The following CBLB variants were observed in gnomAD, a reference collection of about 807,000 sequenced individuals.
The protein encoded by CBLB is E3 ubiquitin-protein ligase CBL-B.
A neutral mutation model predicts 104.9 loss-of-function variants in CBLB; 31 were observed. The ratio of observed to expected loss-of-function variants is 0.30; its 90% confidence interval spans 0.22 to 0.40. The LOEUF is 0.40. Among genes scored for constraint, CBLB ranks in the 10% least tolerant of loss-of-function variants. The probability of loss-of-function intolerance (pLI) is 1.00; values close to 1 mark genes in which losing one functional copy is unlikely to be tolerated. For synonymous variants in CBLB, 440 were observed against 422.6 expected (o/e 1.04, Z -0.51); for missense variants, 1,062 against 1,214.6 (o/e 0.87, Z 1.87).
intron 3 of CBLB, among the ~76,000 whole-genome samples, chr3:105,795,075 G>A (rs1374409428): frequency 4.6e-5 from 7 of 152,062 alleles, no homozygotes; most frequent in South Asian, 4.2e-4. Context: ...CACCACGCCC[G>A]GCTAATTTTT....
At chr3:105,679,555 A>C (rs916492487) in intron 16 of CBLB, among the ~76,000 whole-genome samples, 3 of 152,074 alleles carry the variant, frequency 2.0e-5, no homozygotes, top group African/African-American at 7.2e-5. Flanking sequence ...AGGTGGGTGG[A>C]TCATGAGGTC....
At chr3:105,678,607 C>T (rs1432142919) in intron 16 of CBLB, 36 bp from the exon 17 acceptor site, 1 of 1,593,968 alleles carries the variant, frequency 6.3e-7, no homozygotes, top group South Asian at 1.1e-5. Context: ...AGCAGCAGAA[C>T]TTCATTAATC....
intron 9 of CBLB, among the ~76,000 whole-genome samples, chr3:105,729,955 C>T (rs2074126865): frequency 6.6e-6 from 1 of 152,026 alleles, no homozygotes; most frequent in Admixed American, 6.6e-5. Context: ...AAGACTGTAT[C>T]TAAATGTAAA....
At chr3:105,681,417 G>A (rs1559798258) in intron 16 of CBLB, 62 bp downstream of exon 16, 1 of 1,561,898 alleles carries the variant, frequency 6.4e-7, no homozygotes, top group Admixed American at 1.7e-5. Context: ...TCTGAATTCT[G>A]AAAATTCTGA....
Position 105,662,529 on chromosome 3 carries a change from G to T in CBLB, c.2690-3300C>A, listed in dbSNP as rs543164157. On this transcript the variant is annotated intron_variant, in intron 18 of 18. Coordinates refer to ENST00000394030, the MANE Select transcript of CBLB (RefSeq NM_170662.5). The stretch of plus-strand genomic sequence containing the variant: ...AGTAATTGCAGTGGTATCAAAATAA[G>T]TACAAGAATGTGAGCCACAGAATAT... 2.6e-5 allele frequency among the ~76,000 whole-genome samples: 4 copies of T among 152,254 alleles called. No individual in the cohort carries two copies. In the South Asian group the frequency reaches 8.3e-4, roughly 32 times the overall value.
Position 105,655,649 on chromosome 3 carries a change from C to T in CBLB, c.*3321G>A. 1.0e-5 allele frequency: 2 copies of T among 194,142 alleles called. No individual in the cohort carries two copies. The highest frequency in any genetic ancestry group is 2.1e-5 in the Non-Finnish European group (2 of 93,036). 12.0% of individuals were successfully genotyped at this position (194,142 alleles called of 1,614,324 possible). On this transcript the variant is annotated 3_prime_UTR_variant, in exon 19 of 19. Coordinates refer to ENST00000394030, the MANE Select transcript of CBLB (RefSeq NM_170662.5). ...TAAAATAGTAATTGGGGAAAAAACCCTTCACTCTATTGGTGTCTTTGTCTG... is the reference window on the plus strand; with the variant it reads ...TAAAATAGTAATTGGGGAAAAAACCTTTCACTCTATTGGTGTCTTTGTCTG...
At chr3:105,793,020 A>G (rs2081869276) in intron 3 of CBLB, among the ~76,000 whole-genome samples, 1 of 152,166 alleles carries the variant, frequency 6.6e-6, no homozygotes, top group African/African-American at 2.4e-5. Context: ...TTGTAACTTA[A>G]TAATTAAAGA....
chr3:105,864,611 T>C (rs1242725324), intron 2 of CBLB, among the ~76,000 whole-genome samples: 4 of 152,180 alleles, frequency 2.6e-5, no homozygotes, highest in Non-Finnish European at 4.4e-5. Context: ...ACATAGACTA[T>C]GCTAACTCTG....
At chr3:105,691,100 G>A (rs1315341493) in intron 13 of CBLB, among the ~76,000 whole-genome samples, 2 of 152,146 alleles carry the variant, frequency 1.3e-5, no homozygotes, top group African/African-American at 4.8e-5. Context: ...ATATGCTTGT[G>A]CTTATGTATC....
Position 105,678,542 on chromosome 3 carries a change from A to C in CBLB, c.2458T>G (p.Ser820Ala), listed in dbSNP as rs1417463067. ...GEDAFDALPPSLPPPPPPARH... is the reference protein window; with the variant it reads ...GEDAFDALPPALPPPPPPARH... ...GCAGGAGGTGGGGGAGGTGGGAGAG[A>C]TGGAGGGAGGGCATCAAAAGCATCT... The change falls in exon 17 of 19, where the codon TCT becomes GCT. Residue 820 changes from serine (S) to alanine (A), a missense_variant. This residue lies in a region of CBLB where 605 missense variants were observed against 582.6 expected (regional missense o/e 1.04). Transcript: ENST00000394030. The C allele has an allele frequency of 6.2e-7, 1 of 1,613,726 alleles. No individual in the cohort carries two copies. The highest frequency in any genetic ancestry group is 2.2e-5 in the East Asian group (1 of 44,832).
intron 17 of CBLB, among the ~76,000 whole-genome samples, chr3:105,677,183 TG>T (rs2065747271): frequency 6.6e-6 from 1 of 152,042 alleles, no homozygotes; most frequent in African/African-American, 2.4e-5. Flanking sequence ...CTATCACAAA[TG>T]GGTAAACAGT....
At chr3:105,789,091 T>C (rs2081351002) in intron 3 of CBLB, among the ~76,000 whole-genome samples, 1 of 152,208 alleles carries the variant, frequency 6.6e-6, no homozygotes, top group Non-Finnish European at 1.5e-5. Context: ...ATAATTGCTG[T>C]TAAATCAAGC....
At chr3:105,678,262 A>C (rs2065887185) in intron 17 of CBLB, among the ~76,000 whole-genome samples, 169 bp downstream of exon 17, 1 of 152,200 alleles carries the variant, frequency 6.6e-6, no homozygotes, top group African/African-American at 2.4e-5. Flanking sequence ...GCATTAAACC[A>C]ATCAACTGAC....
At chr3:105,711,097 A>G (rs938488978) in intron 10 of CBLB, among the ~76,000 whole-genome samples, 7 of 152,052 alleles carry the variant, frequency 4.6e-5, no homozygotes, top group African/African-American at 1.7e-4. Context: ...AGAAACTTCA[A>G]GCACAGTCAG....
At chr3:105,779,718 G>T (rs752288783) in intron 3 of CBLB, among the ~76,000 whole-genome samples, 49 of 151,784 alleles carry the variant, frequency 3.2e-4, no homozygotes, top group Non-Finnish European at 4.1e-4. Flanking sequence ...AACTATTCTG[G>T]TATCTAATTT....
intron 6 of CBLB, among the ~76,000 whole-genome samples, chr3:105,743,407 C>A (rs2075797538): frequency 6.6e-6 from 1 of 151,310 alleles, no homozygotes; most frequent in Non-Finnish European, 1.5e-5. Context: ...TTACAGTGAG[C>A]CCAGATAGTA....
At chr3:105,737,888 T>C (rs932754081) in intron 7 of CBLB, among the ~76,000 whole-genome samples, 1 of 152,276 alleles carries the variant, frequency 6.6e-6, no homozygotes, top group South Asian at 2.1e-4. Flanking sequence ...GACTTAACAC[T>C]ACAAACACAA....
chr3:105,740,608 G>A lies in CBLB; in HGVS notation c.869C>T (p.Thr290Ile). 6.2e-7 allele frequency: 1 copy of A among 1,613,880 alleles called. No individual in the cohort carries two copies. Among genetic ancestry groups the A allele is most frequent in the Non-Finnish European group, 8.5e-7 (1 of 1,179,854 alleles). The change falls in exon 7 of 19, where the codon ACT (threonine) becomes ATT (isoleucine). Residue 290 changes from threonine (T) to isoleucine (I), a missense_variant. Thr to Ile is a moderately conservative substitution (Grantham distance 89). Around this residue, in one of 2 missense-constraint regions of CBLB, gnomAD observed 457 missense variants for 632.0 expected, o/e 0.72. Transcript: ENST00000394030. ...GCCAATGGCCCACTGTCCCAATCGA[G>A]TGCAACTTAACCGGAAAATATAGCT... is the stretch of plus-strand genomic sequence containing the variant. ...PGSYIFRLSC[T>I]RLGQWAIGYV...
rs1706635775 is a variant in CBLB, at chr3:105,868,817, C to G, written c.-96G>C. Reference sequence around the variant, plus strand: ...CACGCAGCCCAGTGTGTGTGGGGAGCCCCGGCTGGGAGTGGGATCGCTGAG... The same window carrying G: ...CACGCAGCCCAGTGTGTGTGGGGAGGCCCGGCTGGGAGTGGGATCGCTGAG... On this transcript the variant is annotated 5_prime_UTR_variant, in exon 1 of 19. Coordinates refer to ENST00000394030, the MANE Select transcript of CBLB (RefSeq NM_170662.5). The G allele has an allele frequency of 1.0e-6, 1 of 996,298 alleles. No individual in the cohort carries two copies. Among genetic ancestry groups the G allele is most frequent in the Admixed American group, 6.1e-5 (1 of 16,472 alleles). The allele number at this position is 996,298 out of a possible 1,614,324, so 61.7% of individuals were successfully genotyped here. A position where few individuals can be genotyped will look rare whatever the true frequency, so the allele number is the denominator to read the frequency against.
Sources: allele counts gnomAD v4.1 joint callset (sites outside exome capture counted in the v4.1 genomes callset), GRCh38; gene constraint gnomAD v4.1.1; regional missense constraint gnomAD v4.1.1; transcripts MANE v1.5; gene names NCBI Gene and HGNC (gene_info 2026-07-23, HGNC 2026-07-21).